The following MRAP2 variants were observed in gnomAD, a reference collection of about 807,000 sequenced individuals.
MRAP2 encodes melanocortin-2 receptor accessory protein 2.
A neutral mutation model predicts 17.4 loss-of-function variants in MRAP2; 20 were observed. That is an observed-to-expected ratio of 1.15 (90% CI 0.81 to 1.67). The LOEUF is 1.67. Among genes scored for constraint, MRAP2 ranks in the 40% most tolerant of loss-of-function variants. The probability of loss-of-function intolerance (pLI) is 0.00; values close to 1 mark genes in which losing one functional copy is unlikely to be tolerated. For missense variants in MRAP2, 238 were observed against 240.0 expected (o/e 0.99, Z 0.05); for synonymous variants, 96 against 88.4 (o/e 1.09, Z -0.48).
chr6:84,139,917 C>T, the MRAP2 span, among the ~76,000 whole-genome samples: 1 of 105,736 alleles, frequency 9.5e-6, no homozygotes, highest in Non-Finnish European at 1.6e-5. Context: ...GCCTGTTGTT[C>T]CAGCCACCCT....
At chr6:84,037,480 C>G (rs1036100816) in intron 1 of MRAP2, among the ~76,000 whole-genome samples, 1 of 152,172 alleles carries the variant, frequency 6.6e-6, no homozygotes, top group Non-Finnish European at 1.5e-5. Context: ...CAAGCCTGCA[C>G]TCCTCAGCCC....
the MRAP2 span, among the ~76,000 whole-genome samples, chr6:84,117,091 C>T: frequency 6.6e-6 from 1 of 151,940 alleles, no homozygotes; most frequent in South Asian, 2.1e-4. Flanking sequence ...GGTGTGATCT[C>T]AGCTCACTAC....
Position 84,069,314 on chromosome 6 carries a change from A to C in MRAP2, c.227+6322A>C, listed in dbSNP as rs548940961. Among the ~76,000 whole-genome samples the C allele has an allele frequency of 5.7e-4, 86 of 151,876 alleles. 1 individual carries two copies. The highest frequency in any genetic ancestry group is 2.0e-3 in the African/African-American group (82 of 41,432). On this transcript the variant is annotated intron_variant, in intron 3 of 3. Coordinates refer to ENST00000257776, the MANE Select transcript of MRAP2 (RefSeq NM_138409.4). ...AGTTTTAATCATAAAGAGATGCTGG[A>C]TTTTGTCAAATGCACTTTCTGCATC...
chr6:84,060,052 G>T (rs1266184391), intron 2 of MRAP2, among the ~76,000 whole-genome samples: 2 of 152,206 alleles, frequency 1.3e-5, no homozygotes, highest in Non-Finnish European at 2.9e-5. Context: ...TAGGGCAGAA[G>T]ATGAGGTTGG....
chr6:84,099,310 T>C, the MRAP2 span, among the ~76,000 whole-genome samples: 5 of 151,334 alleles, frequency 3.3e-5, no homozygotes, highest in East Asian at 9.7e-4. Context: ...TTGGCTTTAT[T>C]TATTTTTTAT....
At chr6:84,099,121 C>G in the MRAP2 span, among the ~76,000 whole-genome samples, 1 of 147,448 alleles carries the variant, frequency 6.8e-6, no homozygotes, top group Admixed American at 6.7e-5. Flanking sequence ...GAGTTTTTTT[C>G]TTAAACATGG....
At chr6:84,068,513 A>G (rs1280125208) in intron 3 of MRAP2, among the ~76,000 whole-genome samples, 1 of 152,194 alleles carries the variant, frequency 6.6e-6, no homozygotes, top group Admixed American at 6.5e-5. Flanking sequence ...TTATCCATCC[A>G]TGAGCATGGG....
the MRAP2 span, among the ~76,000 whole-genome samples, chr6:84,141,831 T>G: frequency 6.6e-6 from 1 of 152,170 alleles, no homozygotes; most frequent in Non-Finnish European, 1.5e-5. Flanking sequence ...CCTTCTTATA[T>G]TTTGGGCCTC....
chr6:84,054,702 C>T (rs2099491265), intron 1 of MRAP2, among the ~76,000 whole-genome samples: 1 of 152,174 alleles, frequency 6.6e-6, no homozygotes. Context: ...ATTACTTCTC[C>T]TGAACATTCT....
chr6:84,033,865 G>A lies in MRAP2; in HGVS notation c.-26G>A. 3 of 973,758 alleles carry A rather than the reference G, an allele frequency of 3.1e-6. No homozygotes were observed. Among genetic ancestry groups the A allele is most frequent in the Non-Finnish European group, 3.6e-6 (3 of 830,194 alleles). The allele number at this position is 973,758 out of a possible 1,614,324, so 60.3% of individuals were successfully genotyped here. On this transcript the variant is annotated 5_prime_UTR_variant, in exon 1 of 4. Transcript: ENST00000257776. ...AGCCGGAACCAGGGCCGAGCCCGCG[G>A]GCCGGGGCTAGCCAGCCGGTAACCA...
At chr6:84,074,431 C>T (rs549353106) in intron 3 of MRAP2, among the ~76,000 whole-genome samples, 7 of 152,312 alleles carry the variant, frequency 4.6e-5, no homozygotes, top group African/African-American at 1.7e-4. Context: ...GTTAAGATAC[C>T]TGAGTAAGTC....
the MRAP2 span, among the ~76,000 whole-genome samples, chr6:84,106,023 A>T: frequency 6.6e-6 from 1 of 152,164 alleles, no homozygotes; most frequent in Non-Finnish European, 1.5e-5. Context: ...TTAGACACTG[A>T]TTCAGAGCAT....
At chr6:84,046,788 A>T (rs2099489147) in intron 1 of MRAP2, among the ~76,000 whole-genome samples, 1 of 150,602 alleles carries the variant, frequency 6.6e-6, no homozygotes, top group African/African-American at 2.4e-5. Context: ...CTCAAAAAAA[A>T]AAAAAAAAAA....
chr6:84,109,681 C>T, the MRAP2 span, among the ~76,000 whole-genome samples: 91 of 152,076 alleles, frequency 6.0e-4, no homozygotes, highest in African/African-American at 1.7e-3. Flanking sequence ...ATACACGTGC[C>T]ATAATTGTTT....
chr6:84,125,130 G>A, the MRAP2 span: 21 of 1,613,490 alleles, frequency 1.3e-5, no homozygotes, highest in South Asian at 2.3e-4. Flanking sequence ...CTCCTTGCCG[G>A]TGCAGCTCTC....
At chr6:84,068,784 CTTTTTT>C (rs34220070) in intron 3 of MRAP2, among the ~76,000 whole-genome samples, 1 of 55,194 alleles carries the variant, frequency 1.8e-5, no homozygotes, top group African/African-American at 8.1e-5. Context: ...TTGCTGAATT[CTTTTTT>C]TTTTTTTTTT....
At chr6:84,111,284 G>A in the MRAP2 span, among the ~76,000 whole-genome samples, 1 of 152,128 alleles carries the variant, frequency 6.6e-6, no homozygotes, top group Non-Finnish European at 1.5e-5. Context: ...ATTTTCTTGA[G>A]TGGTGGTTTG....
chr6:84,055,946 T>C (rs770348889), intron 2 of MRAP2, among the ~76,000 whole-genome samples: 1 of 152,190 alleles, frequency 6.6e-6, no homozygotes, highest in African/African-American at 2.4e-5. Context: ...GTTCTAGGCA[T>C]GAATTGTGTT....
chr6:84,098,844 T>C, the MRAP2 span, among the ~76,000 whole-genome samples: 1 of 152,168 alleles, frequency 6.6e-6, no homozygotes, highest in Non-Finnish European at 1.5e-5. Flanking sequence ...ATTCTGTAAA[T>C]ATAAGTTATT....
Sources: allele counts gnomAD v4.1 joint callset (sites outside exome capture counted in the v4.1 genomes callset), GRCh38; gene constraint gnomAD v4.1.1; transcripts MANE v1.5; gene names NCBI Gene and HGNC (gene_info 2026-07-23, HGNC 2026-07-21).